Variants in CFAP69 observed in about 807,000 individuals in gnomAD.
The protein encoded by CFAP69 is cilia and flagella associated protein 69.
CFAP69 carries 92 observed loss-of-function variants against 123.0 expected under a neutral mutation model. The ratio of observed to expected loss-of-function variants is 0.75; its 90% CI spans 0.63 to 0.89. The LOEUF (loss-of-function observed/expected upper bound fraction) is 0.89, where lower values mean the gene tolerates loss of function less well. Ranked by LOEUF, CFAP69 falls within the 40% of genes least tolerant of loss-of-function variation. CFAP69 has a pLI of 0.00. For missense variants in CFAP69, 1,067 were observed against 1,096.9 expected, an observed-to-expected ratio of 0.97 and a Z score of 0.39; for synonymous variants, 380 against 364.3, an observed-to-expected ratio of 1.04 and a Z score of -0.49.
rs59795893 is a variant in CFAP69 at position 90,300,300 on chromosome 7, TAA to T, written c.2050+250_2050+251del. On this transcript the variant is annotated intron_variant, in intron 17 of 22. Transcript: ENST00000389297. The stretch of plus-strand genomic sequence containing the variant: ...TGGTATTTAATTATATTCTTTTAAC[TAA>T]AAAAAAAATTAAAGTAGTTCCTAAA... The T allele has an allele frequency of 1.1e-3, 941 of 851,448 alleles. 5 individuals are homozygous for T. Among genetic ancestry groups the T allele is most frequent in the African/African-American group, 0.01 (578 of 55,310 alleles). 52.7% of individuals were successfully genotyped at this position (851,448 alleles called of 1,614,324 possible).
chr7:90,308,433 A>G (rs1006468507), intron 21 of CFAP69, among the ~76,000 whole-genome samples: 2 of 152,186 alleles, frequency 1.3e-5, no homozygotes, highest in African/African-American at 4.8e-5. Flanking sequence ...GAATTTCATT[A>G]CTTTTCCCCA....
chr7:90,301,835 T>C (rs1439017223), intron 17 of CFAP69: 1 of 152,222 alleles, frequency 6.6e-6, no homozygotes, highest in Non-Finnish European at 1.5e-5. Context: ...CCTCTGAGCA[T>C]ATACTCAGTC....
rs1794047697 is a variant in CFAP69 at position 90,309,382 on chromosome 7, C to T, written c.2655+15C>T. The T allele has an allele frequency of 7.3e-7, 1 of 1,367,414 alleles. No individual in the cohort carries two copies. 84.7% of individuals were successfully genotyped at this position (1,367,414 alleles called of 1,614,324 possible). On this transcript the variant is annotated intron_variant, in intron 22 of 22. Transcript: ENST00000389297. ...TTAACACAACGGTAAGATTCTTTCTCCATAACATTTTCTTAATAGACATTA... is the reference window on the plus strand; with the variant it reads ...TTAACACAACGGTAAGATTCTTTCTTCATAACATTTTCTTAATAGACATTA...
At chr7:90,322,335 G>A in the CFAP69 span, 19 of 152,218 alleles carry the variant, frequency 1.2e-4, no homozygotes, top group Non-Finnish European at 2.8e-4. Flanking sequence ...TTCTGCTGTA[G>A]ACTTCCAAGT....
At chr7:90,261,084 T>TTTC (rs1341114816) in intron 3 of CFAP69, among the ~76,000 whole-genome samples, 1 of 145,200 alleles carries the variant, frequency 6.9e-6, no homozygotes, top group East Asian at 2.0e-4. Context: ...CCAATAGGAT[T>TTTC]TTTTTTTTTT....
chr7:90,249,694 A>G (rs1224206497), intron 1 of CFAP69, among the ~76,000 whole-genome samples: 1 of 152,128 alleles, frequency 6.6e-6, no homozygotes, highest in Non-Finnish European at 1.5e-5. Context: ...CCTTTAGAGC[A>G]GTGCTTCTCA....
In CFAP69 at chr7:90,273,905, G is replaced by A. The variant is rs145440500; in HGVS notation, c.861-82G>A. 2.0e-3 allele frequency: 2,203 copies of A among 1,095,688 alleles called. 27 individuals carry two copies. The African/African-American group carries it at 0.026, about 13-fold the overall frequency. 67.9% of individuals were successfully genotyped at this position (1,095,688 alleles called of 1,614,324 possible). ...CTAAAACCATCACATTGGGGGTTAG[G>A]ATTTAAATATATGAATTTTGGAGGG... On this transcript the variant is annotated intron_variant, in intron 8 of 22. Coordinates refer to ENST00000389297, the MANE Select transcript of CFAP69 (RefSeq NM_001039706.3).
chr7:90,287,311 T>G (rs1790448041), intron 14 of CFAP69, among the ~76,000 whole-genome samples: 1 of 152,152 alleles, frequency 6.6e-6, no homozygotes, highest in Non-Finnish European at 1.5e-5. Flanking sequence ...GTATAATGCT[T>G]TCATTTCTCT....
At chr7:90,267,854 C>T (rs541413737) in intron 5 of CFAP69, among the ~76,000 whole-genome samples, 2 of 152,316 alleles carry the variant, frequency 1.3e-5, no homozygotes, top group Non-Finnish European at 2.9e-5. Context: ...ATGCTTTTCT[C>T]AGCCCTTTTC....
At chr7:90,309,882 T>C (rs1167665175) in intron 22 of CFAP69, among the ~76,000 whole-genome samples, 186 bp from the exon 23 acceptor site, 3 of 152,190 alleles carry the variant, frequency 2.0e-5, no homozygotes, top group African/African-American at 7.2e-5. Context: ...TGATAAGCAA[T>C]AGAAATAGAA....
intron 16 of CFAP69, among the ~76,000 whole-genome samples, chr7:90,299,031 G>GACTATGT (rs1792390527): frequency 6.6e-6 from 1 of 152,190 alleles, no homozygotes; most frequent in East Asian, 1.9e-4. Flanking sequence ...AATGAGAGCT[G>GACTATGT]ACTATGTACC....
At chr7:90,279,583 C>T (rs1276764142) in intron 11 of CFAP69, 94 bp from the exon 12 acceptor site, 4 of 659,610 alleles carry the variant, frequency 6.1e-6, no homozygotes, top group South Asian at 2.7e-5. Context: ...TGAAATAATC[C>T]CCAATAAAAC....
intron 11 of CFAP69, among the ~76,000 whole-genome samples, chr7:90,278,559 G>T (rs932109993): frequency 3.3e-5 from 5 of 151,830 alleles, no homozygotes; most frequent in Admixed American, 6.6e-5. Context: ...ATTAAAATTA[G>T]ACCTATAAAG....
At chr7:90,282,270 G>A (rs1366291461) in intron 12 of CFAP69, among the ~76,000 whole-genome samples, 1 of 151,860 alleles carries the variant, frequency 6.6e-6, no homozygotes, top group African/African-American at 2.4e-5. Context: ...TATTGCTTGA[G>A]CCCAGGAGAT....
Position 90,307,078 on chromosome 7 carries a change from G to T in CFAP69, c.2443G>T (p.Glu815Ter). 1 of 1,610,064 alleles carries T rather than the reference G, an allele frequency of 6.2e-7. No individual in the cohort carries two copies. Among genetic ancestry groups the T allele is most frequent in the Non-Finnish European group, 8.5e-7 (1 of 1,178,958 alleles). ...ESQACQDMQN[E>*]QKVYAKIQAT... ...CCAAGCATGCCAAGACATGCAAAAT[G>T]AACAAAAAGTATATGCAAAAGTAAG... Residue 815 changes from glutamate to a stop codon, truncating the protein, a stop_gained, in exon 20 of 23, where the codon GAA (glutamate) becomes TAA (stop). Transcript: ENST00000389297. LOFTEE classifies it high-confidence loss of function.
intron 5 of CFAP69, among the ~76,000 whole-genome samples, 173 bp downstream of exon 5, chr7:90,265,550 C>T (rs191379364): frequency 6.6e-6 from 1 of 152,268 alleles, no homozygotes; most frequent in East Asian, 1.9e-4. Context: ...GTATTGTATT[C>T]TGTTCAGGTT....
intron 16 of CFAP69, 141 bp downstream of exon 16, chr7:90,297,971 G>T: frequency 1.1e-5 from 6 of 552,524 alleles, no homozygotes; most frequent in Non-Finnish European, 1.9e-5. Flanking sequence ...AAACAAAATT[G>T]CTCCTAGAAA....
chr7:90,261,924 T>A, intron 3 of CFAP69, 23 bp from the exon 4 acceptor site: 1 of 1,242,076 alleles, frequency 8.1e-7, no homozygotes, highest in Non-Finnish European at 1.1e-6. Flanking sequence ...CTGAATTTTA[T>A]TTCTTAACTA....
intron 8 of CFAP69, chr7:90,272,212 A>G (rs540943834): frequency 1.6e-4 from 49 of 305,466 alleles, no homozygotes; most frequent in African/African-American, 9.8e-4. Context: ...AAGTAAAATT[A>G]GACTTTAGAA....
Sources: allele counts gnomAD v4.1 joint callset (sites outside exome capture counted in the v4.1 genomes callset), GRCh38; gene constraint gnomAD v4.1.1; transcripts MANE v1.5; gene names NCBI Gene and HGNC (gene_info 2026-07-23, HGNC 2026-07-21).